The following PCDH11X variants were observed in gnomAD, a reference collection of about 807,000 sequenced individuals.
PCDH11X encodes the protein protocadherin 11 X-linked.
PCDH11X carries 18 observed loss-of-function variants against 53.3 expected under a neutral mutation model. The ratio of observed to expected loss-of-function variants is 0.34; its 90% CI spans 0.23 to 0.50. The LOEUF (loss-of-function observed/expected upper bound fraction) is 0.50, where lower values mean the gene tolerates loss of function less well. Among genes scored for constraint, PCDH11X ranks in the 20% least tolerant of loss-of-function variants. The probability of loss-of-function intolerance (pLI) is 0.98; values close to 1 mark genes in which losing one functional copy is unlikely to be tolerated. For missense variants in PCDH11X, 570 were observed against 1,032.4 expected, an observed-to-expected ratio of 0.55 and a Z score of 6.14; for synonymous variants, 279 against 393.3, an observed-to-expected ratio of 0.71 and a Z score of 3.44.
intron 7 of PCDH11X, among the ~76,000 whole-genome samples, chrX:92,247,984 GA>G (rs779734166): frequency 9.3e-6 from 1 of 107,431 alleles, no homozygotes; most frequent in Admixed American, 9.7e-5. Flanking sequence ...AATTCAACTG[GA>G]AAAAAATGAG....
chrX:92,463,069 T>G (rs2750526), intron 9 of PCDH11X, among the ~76,000 whole-genome samples: 48,226 of 104,395 alleles, frequency 0.46, 11,099 homozygotes, highest in African/African-American at 0.82. Context: ...GGCTAGATTC[T>G]CTTTATATAG....
intron 8 of PCDH11X, among the ~76,000 whole-genome samples, chrX:92,355,580 G>C (rs2148532837): frequency 9.5e-6 from 1 of 105,065 alleles, no homozygotes; most frequent in South Asian, 4.4e-4. Context: ...ATTAAAGCAT[G>C]AATGGTTTTA....
At chrX:91,940,281 T>A (rs1372656472) in intron 6 of PCDH11X, among the ~76,000 whole-genome samples, 1 of 111,481 alleles carries the variant, frequency 9.0e-6, no homozygotes, top group Non-Finnish European at 1.9e-5. Flanking sequence ...CGTAAGCCAA[T>A]TAAAGATCTT....
chrX:92,611,274 T>C (rs1927349788), intron 10 of PCDH11X, among the ~76,000 whole-genome samples: 1 of 111,063 alleles, frequency 9.0e-6, no homozygotes, highest in Admixed American at 9.6e-5. Context: ...ATGATTTCTT[T>C]TAGCAGTGTT....
intron 8 of PCDH11X, among the ~76,000 whole-genome samples, chrX:92,334,153 T>G (rs2069559484): frequency 8.9e-6 from 1 of 111,996 alleles, no homozygotes; most frequent in Admixed American, 9.5e-5. Flanking sequence ...ATGCATAAAA[T>G]AAATGTAGAC....
intron 6 of PCDH11X, among the ~76,000 whole-genome samples, chrX:92,186,557 G>A (rs1265411260): frequency 1.1e-4 from 12 of 108,404 alleles, no homozygotes; most frequent in African/African-American, 4.0e-4. Flanking sequence ...GAACCCGGGA[G>A]GCGGAGGTTG....
chrX:91,840,139 C>G (rs2147629248), intron 5 of PCDH11X, among the ~76,000 whole-genome samples: 1 of 111,376 alleles, frequency 9.0e-6, no homozygotes, highest in Admixed American at 9.6e-5. Flanking sequence ...ATATAAACCA[C>G]AGGGACTTCC....
At chrX:92,312,959 A>G (rs2068982760) in intron 8 of PCDH11X, among the ~76,000 whole-genome samples, 1 of 111,143 alleles carries the variant, frequency 9.0e-6, no homozygotes, top group Admixed American at 9.6e-5. Context: ...TGAAACTATT[A>G]ATAATAATTT....
intron 8 of PCDH11X, among the ~76,000 whole-genome samples, chrX:92,268,187 A>G (rs1303595281): frequency 8.9e-6 from 1 of 112,365 alleles, no homozygotes; most frequent in Non-Finnish European, 1.9e-5. Flanking sequence ...TTGGACTATT[A>G]TGATCTAGCA....
chrX:91,839,461 CAA>C (rs757627555), intron 5 of PCDH11X, among the ~76,000 whole-genome samples: 19,320 of 70,221 alleles, frequency 0.28, 1,709 homozygotes, highest in East Asian at 0.37. Flanking sequence ...TAAAAAAATA[CAA>C]AAAAAAAAAA....
In PCDH11X at chrX:92,484,108, G is replaced by A. The variant is rs1452257718; in HGVS notation, c.3367+15786G>A. 6.2e-5 allele frequency among the ~76,000 whole-genome samples: 6 copies of A among 96,744 alleles called. No individual in the cohort carries two copies. The East Asian group carries it at 1.7e-3, about 27-fold the overall frequency. 84.0% of individuals were successfully genotyped at this position (96,744 alleles called of 115,157 possible). Reference sequence around the variant, plus strand: ...TCTCTGTGTGTGTGTGTGTGTGTGTGTATATATATAGTATATATATGTATA... The same window carrying A: ...TCTCTGTGTGTGTGTGTGTGTGTGTATATATATATAGTATATATATGTATA... On this transcript the variant is annotated intron_variant, in intron 10 of 10. Transcript: ENST00000682573.
At chrX:92,274,138 AG>A (rs202047986) in intron 8 of PCDH11X, among the ~76,000 whole-genome samples, 9,477 of 106,453 alleles carry the variant, frequency 0.089, 636 homozygotes, top group East Asian at 0.25. Context: ...CCTAATAAAA[AG>A]GAGCGTCTAT....
At chrX:92,449,951 A>T (rs1228399321) in intron 9 of PCDH11X, among the ~76,000 whole-genome samples, 87 of 111,403 alleles carry the variant, frequency 7.8e-4, no homozygotes, top group Non-Finnish European at 1.5e-3. Flanking sequence ...TTTCTCTTAA[A>T]ATTTTGGAAC....
At chrX:92,051,173 C>T (rs933686129) in intron 6 of PCDH11X, among the ~76,000 whole-genome samples, 3 of 111,431 alleles carry the variant, frequency 2.7e-5, no homozygotes, top group African/African-American at 9.7e-5. Flanking sequence ...AGCACTAAAC[C>T]ATTAAGAAAC....
chrX:92,170,486 C>T (rs1319649685), intron 6 of PCDH11X, among the ~76,000 whole-genome samples: 3 of 110,609 alleles, frequency 2.7e-5, no homozygotes, highest in Admixed American at 9.7e-5. Flanking sequence ...AGTTCACAAA[C>T]CTTGTTCCAG....
rs1174804680 is a variant in PCDH11X at position 92,174,561 on chromosome X, GT to G, written c.3034-26813del. On this transcript the variant is annotated intron_variant, in intron 6 of 10. Transcript: ENST00000682573. ...AATCAAATGCTGGATGAAGAGCTAA[GT>G]CATAACTGGGAATGTTCATTTGAGA... Among the ~76,000 whole-genome samples, 4 of 111,940 alleles carry G rather than the reference GT, an allele frequency of 3.6e-5. No homozygotes were observed. The South Asian group carries it at 1.5e-3, about 42-fold the overall frequency.
chrX:91,906,521 A>G (rs1261060954), intron 6 of PCDH11X, among the ~76,000 whole-genome samples: 1 of 110,844 alleles, frequency 9.0e-6, no homozygotes, highest in East Asian at 2.8e-4. Context: ...AAATTATAAT[A>G]GAGGTCTGAG....
intron 10 of PCDH11X, among the ~76,000 whole-genome samples, chrX:92,519,034 T>A (rs192670471): frequency 0.014 from 1,523 of 110,076 alleles, 37 homozygotes; most frequent in African/African-American, 0.048. Context: ...TGGAAAAAAA[T>A]TTTTTAAGTT....
chrX:92,248,765 C>T (rs750481228), intron 7 of PCDH11X, among the ~76,000 whole-genome samples: 2 of 111,132 alleles, frequency 1.8e-5, no homozygotes, highest in African/African-American at 3.3e-5. Context: ...ATCTTGGCTC[C>T]GCCTCCTGGG....
Sources: gnomAD v4.1 joint callset for allele counts (sites outside exome capture counted in the v4.1 genomes callset) on GRCh38, gnomAD v4.1.1 for gene constraint, MANE v1.5 for transcripts, NCBI Gene and HGNC (gene_info 2026-07-23, HGNC 2026-07-21) for gene names.